Variants in IFT43 observed in about 807,000 individuals in gnomAD.
IFT43 encodes intraflagellar transport 43.
A neutral mutation model predicts 32.3 loss-of-function variants in IFT43; 33 were observed. The observed-to-expected ratio is 1.02, with a 90% CI of 0.77 to 1.37. The LOEUF (loss-of-function observed/expected upper bound fraction) is 1.37. IFT43 is among the 40% of genes most tolerant of loss of function. The probability of loss-of-function intolerance (pLI) is 0.00; values close to 1 mark genes in which losing one functional copy is unlikely to be tolerated. For missense variants in IFT43, 274 were observed against 265.9 expected (o/e 1.03, Z -0.21); for synonymous variants, 93 against 98.2 (o/e 0.95, Z 0.31).
At chr14:76,014,140 G>A (rs2139932466) in intron 2 of IFT43, 1 of 274,656 alleles carries the variant, frequency 3.6e-6, no homozygotes, top group South Asian at 5.9e-5. Flanking sequence ...GCGACCCATG[G>A]ACTAAAATCT....
intron 5 of IFT43, among the ~76,000 whole-genome samples, chr14:76,077,886 T>C (rs2037438835): frequency 6.6e-6 from 1 of 152,124 alleles, no homozygotes; most frequent in Non-Finnish European, 1.5e-5. Flanking sequence ...TCAGCTGCCC[T>C]GTCCTCAATG....
chr14:75,993,643 A>G (rs1331530945), intron 2 of IFT43, among the ~76,000 whole-genome samples: 1 of 152,190 alleles, frequency 6.6e-6, no homozygotes, highest in African/African-American at 2.4e-5. Flanking sequence ...TCACATAGCA[A>G]AGAGTCCAGT....
intron 3 of IFT43, among the ~76,000 whole-genome samples, chr14:76,029,908 A>G (rs2036476909): frequency 2.9e-5 from 1 of 34,908 alleles, no homozygotes; most frequent in African/African-American, 1.1e-4. Context: ...TTGAGACAGG[A>G]TCTTTCTCTG....
chr14:76,048,714 T>C (rs1319413744), intron 3 of IFT43, among the ~76,000 whole-genome samples: 1 of 152,222 alleles, frequency 6.6e-6, no homozygotes, highest in Non-Finnish European at 1.5e-5. Context: ...CAGAGCTGAA[T>C]ACTGATGGCT....
At chr14:76,049,435 T>G (rs765620052) in intron 3 of IFT43, among the ~76,000 whole-genome samples, 3 of 143,134 alleles carry the variant, frequency 2.1e-5, no homozygotes, top group Non-Finnish European at 3.0e-5. Context: ...TAATAAAGTT[T>G]GTAGTTTTTA....
intron 3 of IFT43, among the ~76,000 whole-genome samples, chr14:76,054,013 G>A (rs1003620288): frequency 1.5e-4 from 23 of 152,144 alleles, no homozygotes; most frequent in African/African-American, 4.8e-4. Context: ...TAATGCTTCC[G>A]TTAGAAGAAA....
intron 5 of IFT43, 151 bp downstream of exon 5, chr14:76,059,524 T>A: frequency 1.3e-6 from 1 of 741,560 alleles, no homozygotes; most frequent in Non-Finnish European, 2.4e-6. Flanking sequence ...CATGCCTTGC[T>A]GAATGCTGCC....
At position 76,045,052 on chromosome 14, in the gene IFT43, T is replaced by C. The variant is rs149998557; in HGVS notation, c.216-13590T>C. On this transcript the variant is annotated intron_variant, in intron 3 of 8. Transcript: ENST00000314067. Reference sequence around the variant, plus strand: ...GTGGTTAAGTTAAACTTCAACTGTATGGGGGGTCTGTGCCCCAACACCCAC... The same window carrying C: ...GTGGTTAAGTTAAACTTCAACTGTACGGGGGGTCTGTGCCCCAACACCCAC... 2.8e-3 allele frequency among the ~76,000 whole-genome samples: 423 copies of C among 152,344 alleles called. 4 individuals carry two copies. The highest frequency in any genetic ancestry group is 9.6e-3 in the African/African-American group (401 of 41,572).
chr14:76,038,926 G>A (rs1163435280), intron 3 of IFT43, among the ~76,000 whole-genome samples: 1 of 152,076 alleles, frequency 6.6e-6, no homozygotes, highest in Admixed American at 6.6e-5. Context: ...GTTAGACCTC[G>A]CTCTAACTGG....
chr14:75,998,678 G>T (rs2035793950), intron 2 of IFT43, among the ~76,000 whole-genome samples: 1 of 152,182 alleles, frequency 6.6e-6, no homozygotes, highest in Admixed American at 6.5e-5. Flanking sequence ...GCCTGAGCAG[G>T]TCCTATTGGA....
intron 2 of IFT43, among the ~76,000 whole-genome samples, chr14:76,003,910 G>C: frequency 6.6e-6 from 1 of 151,734 alleles, no homozygotes; most frequent in East Asian, 2.0e-4. Context: ...CCAAGTAGCA[G>C]GGATTAGAGG....
At chr14:75,986,915 TA>T (rs998747435) in intron 1 of IFT43, among the ~76,000 whole-genome samples, 2 of 152,202 alleles carry the variant, frequency 1.3e-5, no homozygotes, top group African/African-American at 4.8e-5. Context: ...ATTGAGCCCC[TA>T]CTGTGTATCA....
At chr14:76,069,774 A>T (rs2037288369) in intron 5 of IFT43, among the ~76,000 whole-genome samples, 2 of 152,186 alleles carry the variant, frequency 1.3e-5, no homozygotes, top group African/African-American at 4.8e-5. Flanking sequence ...CTTGTGTTTA[A>T]CCATTGCCTT....
intron 5 of IFT43, among the ~76,000 whole-genome samples, chr14:76,081,863 C>T (rs1181882188): frequency 3.3e-5 from 5 of 152,236 alleles, no homozygotes; most frequent in South Asian, 2.1e-4. Flanking sequence ...CTGCGGCATC[C>T]GCTTTGTGAC....
chr14:76,070,049 A>G (rs2037292457), intron 5 of IFT43, among the ~76,000 whole-genome samples: 1 of 152,252 alleles, frequency 6.6e-6, no homozygotes, highest in African/African-American at 2.4e-5. Flanking sequence ...CTGCAAGTGT[A>G]GCAATCTGGA....
At chr14:76,072,380 C>A (rs1008315138) in intron 5 of IFT43, among the ~76,000 whole-genome samples, 8 of 152,172 alleles carry the variant, frequency 5.3e-5, no homozygotes, top group African/African-American at 1.7e-4. Context: ...CCTCCTCTTG[C>A]ATTGGCAGGG....
intron 5 of IFT43, among the ~76,000 whole-genome samples, chr14:76,071,937 T>C (rs1019463108): frequency 1.3e-5 from 2 of 152,072 alleles, no homozygotes; most frequent in Non-Finnish European, 2.9e-5. Context: ...GCCCTACTTA[T>C]GGAGGAGGCC....
intron 5 of IFT43, among the ~76,000 whole-genome samples, chr14:76,065,926 C>T (rs971082372): frequency 1.3e-5 from 2 of 152,180 alleles, no homozygotes; most frequent in East Asian, 1.9e-4. Context: ...GCTCATTAAC[C>T]CCATTTTAAA....
At chr14:76,070,125 G>A (rs1420677233) in intron 5 of IFT43, among the ~76,000 whole-genome samples, 1 of 152,184 alleles carries the variant, frequency 6.6e-6, no homozygotes, top group Non-Finnish European at 1.5e-5. Flanking sequence ...AGGGAAAACA[G>A]GTAAAAGTGA....
Sources: allele counts gnomAD v4.1 joint callset (sites outside exome capture counted in the v4.1 genomes callset), GRCh38; gene constraint gnomAD v4.1.1; transcripts MANE v1.5; gene names NCBI Gene and HGNC (gene_info 2026-07-23, HGNC 2026-07-21).